Variants in RORA observed in about 807,000 individuals in gnomAD.
RORA encodes RAR related orphan receptor A.
In RORA, 7 loss-of-function variants were observed where a neutral mutation model predicts 69.5. That is an observed-to-expected ratio of 0.10 (90% CI 0.06 to 0.19). RORA has a LOEUF of 0.19. Among genes scored for constraint, RORA ranks in the 10% least tolerant of loss-of-function variants. The pLI, the probability that RORA is intolerant of heterozygous loss-of-function variation, is 1.00. For missense variants in RORA, 457 were observed against 663.0 expected, an observed-to-expected ratio of 0.69 and a Z score of 3.41; for synonymous variants, 261 against 240.8, an observed-to-expected ratio of 1.08 and a Z score of -0.78.
intron 3 of RORA, among the ~76,000 whole-genome samples, chr15:60,522,131 T>A (rs759809848): frequency 1.3e-5 from 2 of 152,218 alleles, no homozygotes; most frequent in Non-Finnish European, 2.9e-5. Flanking sequence ...AGTTATTAAA[T>A]CTGTTATTAC....
chr15:61,141,344 G>A (rs11071587), intron 1 of RORA, among the ~76,000 whole-genome samples: 55,519 of 151,994 alleles, frequency 0.37, 10,848 homozygotes, highest in East Asian at 0.5. Flanking sequence ...AACAATTTGT[G>A]ACTGGAATGA....
intron 1 of RORA, among the ~76,000 whole-genome samples, chr15:61,088,576 A>G (rs941044149): frequency 2.6e-5 from 4 of 152,176 alleles, no homozygotes; most frequent in African/African-American, 9.7e-5. Flanking sequence ...TATCACCTAC[A>G]GGTAGTGTAA....
intron 1 of RORA, among the ~76,000 whole-genome samples, chr15:61,222,117 T>C (rs1459933627): frequency 5.9e-5 from 9 of 152,166 alleles, no homozygotes; most frequent in African/African-American, 2.2e-4. Flanking sequence ...AAAACATCTA[T>C]GGTATAGAAG....
At chr15:60,944,874 C>T (rs752918382) in intron 1 of RORA, among the ~76,000 whole-genome samples, 1 of 152,122 alleles carries the variant, frequency 6.6e-6, no homozygotes, top group Non-Finnish European at 1.5e-5. Flanking sequence ...GCTGCATGCC[C>T]AACGTGGTCT....
chr15:60,631,324 TC>T (rs1337958007), intron 2 of RORA, among the ~76,000 whole-genome samples: 5 of 152,174 alleles, frequency 3.3e-5, no homozygotes, highest in African/African-American at 1.2e-4. Flanking sequence ...TTCACAGTTT[TC>T]CCCCTCATAT....
intron 1 of RORA, among the ~76,000 whole-genome samples, chr15:60,729,605 G>A (rs2071404403): frequency 6.6e-6 from 1 of 152,200 alleles, no homozygotes; most frequent in Non-Finnish European, 1.5e-5. Flanking sequence ...ATACAATCAT[G>A]AGAGGGAATT....
At chr15:60,705,977 A>G (rs1274929197) in intron 1 of RORA, among the ~76,000 whole-genome samples, 3 of 152,166 alleles carry the variant, frequency 2.0e-5, no homozygotes, top group Non-Finnish European at 4.4e-5. Flanking sequence ...GGTATTATGA[A>G]GGTTCATTGG....
rs574178697 is a variant in RORA at position 61,138,376 on chromosome 15, G to A, written c.166+90677C>T. Among the ~76,000 whole-genome samples, 5 of 152,250 alleles carry A rather than the reference G, an allele frequency of 3.3e-5. No homozygotes were observed. In the South Asian group the frequency reaches 1.0e-3, roughly 32 times the overall value. On this transcript the variant is annotated intron_variant, in intron 1 of 10. Transcript: ENST00000335670. ...GATGGTTTCGTGTATGCTGAATGATGTATGAACAAAAATATTCGGAGAGCA... is the reference window on the plus strand; with the variant it reads ...GATGGTTTCGTGTATGCTGAATGATATATGAACAAAAATATTCGGAGAGCA...
At chr15:61,219,289 A>T (rs1338203095) in intron 1 of RORA, among the ~76,000 whole-genome samples, 1 of 152,222 alleles carries the variant, frequency 6.6e-6, no homozygotes, top group African/African-American at 2.4e-5. Flanking sequence ...TAATAGCCTC[A>T]TTAGGCTGGG....
chr15:60,923,976 G>A (rs894386111), intron 1 of RORA, among the ~76,000 whole-genome samples: 2 of 152,230 alleles, frequency 1.3e-5, no homozygotes, highest in African/African-American at 2.4e-5. Context: ...CCATGATCAT[G>A]TGTGAGCACG....
chr15:60,630,241 G>A (rs2069703236), intron 2 of RORA, among the ~76,000 whole-genome samples: 1 of 152,202 alleles, frequency 6.6e-6, no homozygotes, highest in Non-Finnish European at 1.5e-5. Context: ...CAAGTTCATT[G>A]TGAACTGCTG....
At chr15:61,174,684 C>T (rs1391784652) in intron 1 of RORA, among the ~76,000 whole-genome samples, 1 of 152,198 alleles carries the variant, frequency 6.6e-6, no homozygotes, top group Non-Finnish European at 1.5e-5. Flanking sequence ...AGCCTGACTA[C>T]ACCTTCCCAG....
At chr15:60,900,405 T>C (rs1891354728) in intron 1 of RORA, among the ~76,000 whole-genome samples, 1 of 152,086 alleles carries the variant, frequency 6.6e-6, no homozygotes, top group Admixed American at 6.6e-5. Context: ...TGTTGAAAAA[T>C]GTGGATTGCT....
chr15:61,014,852 G>C (rs542954135), intron 1 of RORA, among the ~76,000 whole-genome samples: 122 of 152,280 alleles, frequency 8.0e-4, no homozygotes, highest in Non-Finnish European at 1.5e-3. Flanking sequence ...GGGAACCTGC[G>C]ACTTTCCTCC....
At chr15:60,707,833 C>T (rs1933910230) in intron 1 of RORA, among the ~76,000 whole-genome samples, 1 of 152,198 alleles carries the variant, frequency 6.6e-6, no homozygotes, top group African/African-American at 2.4e-5. Context: ...ATCCTCCAGC[C>T]TGGAATATCA....
intron 1 of RORA, among the ~76,000 whole-genome samples, chr15:60,880,374 C>T (rs575003792): frequency 1.3e-5 from 2 of 152,348 alleles, no homozygotes; most frequent in Admixed American, 6.5e-5. Context: ...GGCACGGTGG[C>T]TCATGCCTAT....
intron 6 of RORA, among the ~76,000 whole-genome samples, chr15:60,505,197 G>A (rs767262709): frequency 6.6e-6 from 1 of 152,166 alleles, no homozygotes; most frequent in African/African-American, 2.4e-5. Flanking sequence ...AATCTTGATT[G>A]TGATATTGAG....
At chr15:60,561,971 T>G (rs1380132487) in intron 2 of RORA, among the ~76,000 whole-genome samples, 1 of 152,010 alleles carries the variant, frequency 6.6e-6, no homozygotes, top group Non-Finnish European at 1.5e-5. Flanking sequence ...GAGACGGAGT[T>G]TTGCTCTTGA....
At chr15:60,515,456 G>C (rs1170062313) in intron 3 of RORA, among the ~76,000 whole-genome samples, 2 of 152,110 alleles carry the variant, frequency 1.3e-5, no homozygotes, top group African/African-American at 4.8e-5. Context: ...AGTGCTGTTT[G>C]GGAAATGAGA....
Sources: allele counts gnomAD v4.1 joint callset (sites outside exome capture counted in the v4.1 genomes callset), GRCh38; gene constraint gnomAD v4.1.1; transcripts MANE v1.5; gene names NCBI Gene and HGNC (gene_info 2026-07-23, HGNC 2026-07-21).